Variants in ELF2 observed in about 807,000 individuals in gnomAD.
The protein encoded by ELF2 is E74 like ETS transcription factor 2, also known as ETS-related transcription factor Elf-2.
ELF2 carries 11 observed loss-of-function variants against 54.8 expected under a neutral mutation model. The observed-to-expected ratio is 0.20, with a 90% CI of 0.13 to 0.33. The LOEUF is 0.33. Among genes scored for constraint, ELF2 ranks in the 10% least tolerant of loss-of-function variants. The probability of loss-of-function intolerance (pLI) is 1.00; values close to 1 mark genes in which losing one functional copy is unlikely to be tolerated. For synonymous variants in ELF2, 203 were observed against 245.1 expected (o/e 0.83, Z 1.61); for missense variants, 513 against 703.0 (o/e 0.73, Z 3.06).
At chr4:139,123,760 A>C (rs139384110) in intron 4 of ELF2, among the ~76,000 whole-genome samples, 1 of 152,278 alleles carries the variant, frequency 6.6e-6, no homozygotes, top group Admixed American at 6.5e-5. Context: ...CATTCAACTT[A>C]AGCTACCATA....
chr4:139,066,199 T>C (rs1393602219), intron 7 of ELF2: 1 of 151,998 alleles, frequency 6.6e-6, no homozygotes, highest in African/African-American at 2.4e-5. Flanking sequence ...TATTGAATAT[T>C]GGTCTGAAAA....
At chr4:139,145,011 T>C (rs1031324700) in intron 1 of ELF2, among the ~76,000 whole-genome samples, 4 of 152,134 alleles carry the variant, frequency 2.6e-5, no homozygotes, top group Non-Finnish European at 5.9e-5. Context: ...GACAAGCACA[T>C]ATCCCACCAC....
chr4:139,148,068 G>C (rs974706366), intron 1 of ELF2, among the ~76,000 whole-genome samples: 1 of 149,004 alleles, frequency 6.7e-6, no homozygotes, highest in Admixed American at 6.7e-5. Context: ...TTACAGGCAT[G>C]AGCCACCGTG....
intron 6 of ELF2, 99 bp downstream of exon 6, chr4:139,071,767 A>T: frequency 8.9e-7 from 1 of 1,125,612 alleles, no homozygotes; most frequent in Non-Finnish European, 1.2e-6. Context: ...CATCAATCTT[A>T]AATCTACAGC....
intron 4 of ELF2, 103 bp downstream of exon 4, chr4:139,125,061 G>A: frequency 7.3e-7 from 1 of 1,369,474 alleles, no homozygotes; most frequent in Non-Finnish European, 9.9e-7. Context: ...ATACTAAATA[G>A]CATTAAAAAG....
chr4:139,151,880 AT>A (rs1435049085), intron 1 of ELF2, among the ~76,000 whole-genome samples: 5 of 152,126 alleles, frequency 3.3e-5, no homozygotes, highest in African/African-American at 1.2e-4. Flanking sequence ...CTTTTTTCTG[AT>A]TTAACTGCTT....
chr4:139,165,156 T>C (rs1741595048), intron 1 of ELF2, among the ~76,000 whole-genome samples: 1 of 152,216 alleles, frequency 6.6e-6, no homozygotes, highest in Admixed American at 6.5e-5. Context: ...TTTTGGTTAC[T>C]TAGGAAAACT....
intron 1 of ELF2, among the ~76,000 whole-genome samples, chr4:139,151,299 C>T (rs1578936905): frequency 1.3e-5 from 2 of 151,642 alleles, no homozygotes; most frequent in South Asian, 2.1e-4. Context: ...GATGAGACAC[C>T]GAAAGCAAAA....
At chr4:139,105,638 A>C (rs1367123565) in intron 4 of ELF2, among the ~76,000 whole-genome samples, 1 of 152,184 alleles carries the variant, frequency 6.6e-6, no homozygotes, top group Non-Finnish European at 1.5e-5. Flanking sequence ...TAATCTCAGC[A>C]CTTTGGGAGG....
Position 139,133,213 on chromosome 4 carries a change from G to A in ELF2, c.72+4417C>T, listed in dbSNP as rs528002470. On this transcript the variant is annotated intron_variant, in intron 3 of 9. Coordinates refer to ENST00000686138, the MANE Select transcript of ELF2 (RefSeq NM_001331036.3). ...TGGGATTACAGGCGTGAGCCACCAC[G>A]CCCAGCCTACATTCTTATAAGCAAT... 5.9e-5 allele frequency among the ~76,000 whole-genome samples: 9 copies of A among 152,182 alleles called. No homozygotes were observed. The South Asian group carries it at 1.9e-3, about 32-fold the overall frequency.
At chr4:139,102,887 G>GTT (rs145429765) in intron 4 of ELF2, among the ~76,000 whole-genome samples, 10 of 147,620 alleles carry the variant, frequency 6.8e-5, no homozygotes, top group Admixed American at 1.4e-4. Flanking sequence ...AGACATAAAT[G>GTT]TTTTTTTTTT....
chr4:139,144,658 T>TAG (rs1480563156), intron 1 of ELF2, among the ~76,000 whole-genome samples: 1 of 152,186 alleles, frequency 6.6e-6, no homozygotes, highest in East Asian at 1.9e-4. Flanking sequence ...GTGAACACTC[T>TAG]GAGTGAGAGA....
At chr4:139,171,026 A>G (rs893752592) in intron 1 of ELF2, among the ~76,000 whole-genome samples, 4 of 152,024 alleles carry the variant, frequency 2.6e-5, no homozygotes, top group Non-Finnish European at 4.4e-5. Flanking sequence ...GGTTACAGGC[A>G]TGAGCCACCG....
At chr4:139,148,911 T>C (rs923244759) in intron 1 of ELF2, among the ~76,000 whole-genome samples, 5 of 152,238 alleles carry the variant, frequency 3.3e-5, no homozygotes, top group African/African-American at 1.2e-4. Context: ...TAATTTGTTA[T>C]GCAGCAATAG....
chr4:139,132,689 G>A (rs957408888), intron 3 of ELF2, among the ~76,000 whole-genome samples: 2 of 151,676 alleles, frequency 1.3e-5, no homozygotes, highest in Non-Finnish European at 2.9e-5. Context: ...GTCTTCATAT[G>A]GCGGTAATGC....
At chr4:139,158,135 C>T (rs1740737190) in intron 1 of ELF2, among the ~76,000 whole-genome samples, 1 of 152,000 alleles carries the variant, frequency 6.6e-6, no homozygotes, top group Non-Finnish European at 1.5e-5. Context: ...TGGAAAATTA[C>T]AGTCAAAGGC....
intron 3 of ELF2, among the ~76,000 whole-genome samples, chr4:139,136,361 C>G (rs1360614088): frequency 6.6e-6 from 1 of 151,800 alleles, no homozygotes; most frequent in Non-Finnish European, 1.5e-5. Context: ...TATCCTATTC[C>G]CAGTGAATTT....
intron 9 of ELF2, 47 bp downstream of exon 9, chr4:139,060,277 T>C: frequency 1.4e-6 from 2 of 1,472,198 alleles, no homozygotes; most frequent in Non-Finnish European, 1.8e-6. Context: ...CCACGGAGAC[T>C]TTTTTAAAAA....
chr4:139,104,527 A>C (rs903508521), intron 4 of ELF2, among the ~76,000 whole-genome samples: 1 of 149,118 alleles, frequency 6.7e-6, no homozygotes, highest in African/African-American at 2.5e-5. Flanking sequence ...AAAAAAAAAA[A>C]GAAAAGAAAA....
Sources: gnomAD v4.1 joint callset for allele counts (sites outside exome capture counted in the v4.1 genomes callset) on GRCh38, gnomAD v4.1.1 for gene constraint, MANE v1.5 for transcripts, NCBI Gene and HGNC (gene_info 2026-07-23, HGNC 2026-07-21) for gene names.